ATM: variants seen among roughly 807,000 people sequenced by gnomAD.
ATM encodes ATM serine/threonine kinase, also known as serine-protein kinase ATM.
A neutral mutation model predicts 387.0 loss-of-function variants in ATM; 308 were observed. The ratio of observed to expected loss-of-function variants is 0.80; its 90% confidence interval spans 0.73 to 0.87. The LOEUF is 0.87. Among genes scored for constraint, ATM ranks in the 40% least tolerant of loss-of-function variants. The probability of loss-of-function intolerance (pLI) is 0.00; values close to 1 mark genes in which losing one functional copy is unlikely to be tolerated. For synonymous variants in ATM, 1,156 were observed against 1,187.3 expected, an observed-to-expected ratio of 0.97 and a Z score of 0.54; for missense variants, 3,312 against 3,560.9, an observed-to-expected ratio of 0.93 and a Z score of 1.78.
At chr11:108,261,304 C>A (rs1276731142) in intron 16 of ATM, among the ~76,000 whole-genome samples, 1 of 152,194 alleles carries the variant, frequency 6.6e-6, no homozygotes, top group African/African-American at 2.4e-5. Flanking sequence ...GGCAGACTGC[C>A]TCCTCAAGTG....
In ATM at chr11:108,248,975, T is replaced by TA. The variant is rs1555069617; in HGVS notation, c.1109dup (p.Tyr370Ter). ...DTRSLEISQS[Y>*]TTTQRESSDY... Reference sequence around the variant, plus strand: ...CAGATCCTTGGAGATTTCTCAATCTTACACTACTACACAAAGAGAATCTAG... The same window carrying TA: ...CAGATCCTTGGAGATTTCTCAATCTTAACACTACTACACAAAGAGAATCTAG... Residue 370 changes from tyrosine to a stop codon, truncating the protein, a stop_gained and frameshift_variant, in exon 9 of 63, where the codon TAC (tyrosine) becomes TAAC (stop). Transcript: ENST00000675843. LOFTEE classifies it high-confidence loss of function. 8 of 1,612,490 alleles carry TA rather than the reference T, an allele frequency of 5.0e-6. No individual in the cohort carries two copies. The highest frequency in any genetic ancestry group is 6.8e-6 in the Non-Finnish European group (8 of 1,178,640).
intron 46 of ATM, 119 bp downstream of exon 46, chr11:108,325,663 T>C (rs1591131086): frequency 2.3e-6 from 2 of 882,108 alleles, no homozygotes; most frequent in East Asian, 2.7e-5. Context: ...TATTAATATA[T>C]AGTAAAAATA....
intron 16 of ATM, among the ~76,000 whole-genome samples, chr11:108,261,916 GA>G (rs1172213322): frequency 6.6e-6 from 1 of 152,060 alleles, no homozygotes; most frequent in African/African-American, 2.4e-5. Flanking sequence ...AATGAAGCGA[GA>G]AGGGAAGTTT....
At chr11:108,356,062 C>CA (rs749921329) in intron 61 of ATM, 3 of 152,132 alleles carry the variant, frequency 2.0e-5, no homozygotes, top group Non-Finnish European at 4.4e-5. Context: ...TTACCGATTT[C>CA]AAATTCTGTT....
intron 34 of ATM, among the ~76,000 whole-genome samples, chr11:108,300,151 G>C (rs1227742239): frequency 6.6e-6 from 1 of 152,102 alleles, no homozygotes; most frequent in Non-Finnish European, 1.5e-5. Flanking sequence ...TAAGAAAAAT[G>C]CCAGATGGTT....
rs786204141 is a variant in ATM at position 108,316,022 on chromosome 11, A to G, written c.6107A>G (p.Tyr2036Cys). The G allele has an allele frequency of 6.2e-7, 1 of 1,614,186 alleles. No homozygotes were observed. Among genetic ancestry groups the G allele is most frequent in the Non-Finnish European group, 8.5e-7 (1 of 1,180,004 alleles). ...ATCTTTTCTTATAGACTACGAACAT[A>G]TGAACACGAAGCAATGTGGGGCAAA... ...MLQPITRLRT[Y>C]EHEAMWGKAL... Residue 2036 changes from tyrosine (Y) to cysteine (C), a missense_variant, in exon 42 of 63, where the codon TAT becomes TGT. This residue lies in a region of ATM where 1,405 missense variants were observed against 1,604.4 expected (regional missense o/e 0.88). Transcript: ENST00000675843.
chr11:108,320,426 G>A (rs1432121919), intron 44 of ATM, among the ~76,000 whole-genome samples: 1 of 152,174 alleles, frequency 6.6e-6, no homozygotes, highest in Non-Finnish European at 1.5e-5. Flanking sequence ...AGGCACAAAT[G>A]TGATGAGGCA....
chr11:108,234,513 A>G (rs765277449), intron 4 of ATM, among the ~76,000 whole-genome samples: 3 of 152,174 alleles, frequency 2.0e-5, no homozygotes, highest in Non-Finnish European at 2.9e-5. Flanking sequence ...CAGAATCTCT[A>G]GTAAGTAAAT....
intron 37 of ATM, 31 bp downstream of exon 37, chr11:108,304,883 G>C (rs550070837): frequency 6.2e-7 from 1 of 1,602,196 alleles, no homozygotes; most frequent in Non-Finnish European, 8.5e-7. Context: ...CATTAATACT[G>C]TAAACTCAGT....
Position 108,358,001 on chromosome 11 carries a change from T to A in ATM, c.8850+3127T>A, listed in dbSNP as rs2090231474. ...TTCAGACGATCAAATTACTCTGAGC[T>A]ACGGGAGGACATTCAAACCAAAGGC... is the stretch of plus-strand genomic sequence containing the variant. On this transcript the variant is annotated intron_variant, in intron 61 of 62. Transcript: ENST00000675843. Among the ~76,000 whole-genome samples the A allele has an allele frequency of 2.0e-5, 3 of 146,810 alleles. No homozygotes were observed. The South Asian group carries it at 6.5e-4, about 32-fold the overall frequency.
chr11:108,367,915 T>G lies in ATM; in HGVS notation c.*2407T>G, dbSNP rs1474490372. On this transcript the variant is annotated 3_prime_UTR_variant, in exon 63 of 63. Transcript: ENST00000675843. ...ACTATAGTAAATCAAGGAAATGCAG[T>G]AAACTTAAAATGTCTTTAAGAAAGC... 3 of 206,356 alleles carry G rather than the reference T, an allele frequency of 1.5e-5. No homozygotes were observed. The highest frequency in any genetic ancestry group is 6.8e-5 in the African/African-American group (3 of 43,840). The allele number at this position is 206,356 out of a possible 1,614,324, so 12.8% of individuals were successfully genotyped here.
intron 52 of ATM, 109 bp from the exon 53 acceptor site, chr11:108,332,653 A>G: frequency 8.6e-7 from 1 of 1,169,060 alleles, no homozygotes; most frequent in South Asian, 1.4e-5. Context: ...TAATCATTCC[A>G]TTGTCTAGAT....
intron 3 of ATM, 135 bp from the exon 4 acceptor site, chr11:108,229,040 TTTG>T: frequency 1.3e-6 from 1 of 797,358 alleles, no homozygotes; most frequent in Non-Finnish European, 2.0e-6. Flanking sequence ...AATTGTTTTA[TTTG>T]TTTTTTTCAG....
chr11:108,243,707 G>A lies in ATM; in HGVS notation c.497-246G>A, dbSNP rs181023754. On this transcript the variant is annotated intron_variant, in intron 5 of 62. Coordinates refer to ENST00000675843, the MANE Select transcript of ATM (RefSeq NM_000051.4). ...CAGAGGCTTAGAGAAGTTAAGTAAT[G>A]TTTCTGCGACCTGGCTCTTAAACTG... Among the ~76,000 whole-genome samples, 10 of 152,290 alleles carry A rather than the reference G, an allele frequency of 6.6e-5. No individual in the cohort carries two copies. In the East Asian group the frequency reaches 1.7e-3, roughly 26 times the overall value.
intron 16 of ATM, among the ~76,000 whole-genome samples, chr11:108,260,616 G>C (rs2080807159): frequency 6.6e-6 from 1 of 152,172 alleles, no homozygotes; most frequent in Admixed American, 6.5e-5. Context: ...CTTAATATAA[G>C]AAATAATTTT....
chr11:108,267,323 A>G lies in ATM; in HGVS notation c.2619A>G (p.Gly873=), dbSNP rs777979257. Residue 873 remains glycine, a synonymous_variant, in exon 17 of 63, where the codon GGA becomes GGG. Coordinates refer to ENST00000675843, the MANE Select transcript of ATM (RefSeq NM_000051.4). ...GTGTTAGTGATGCAAACGAACCTGGAGAGAGCCAAAGTACCATAGGTAAAT... is the reference window on the plus strand; with the variant it reads ...GTGTTAGTGATGCAAACGAACCTGGGGAGAGCCAAAGTACCATAGGTAAAT... ...DSSVSDANEP[G]ESQSTIGAIN... 6 of 1,614,054 alleles carry G rather than the reference A, an allele frequency of 3.7e-6. No homozygotes were observed. The Admixed American group carries it at 5.0e-5, about 13-fold the overall frequency.
At chr11:108,286,871 G>A (rs2082522159) in intron 26 of ATM, among the ~76,000 whole-genome samples, 1 of 152,114 alleles carries the variant, frequency 6.6e-6, no homozygotes, top group Non-Finnish European at 1.5e-5. Context: ...ATTTATCACT[G>A]TAATTCCTTA....
At chr11:108,237,926 CTTCT>C (rs2079372164) in intron 5 of ATM, among the ~76,000 whole-genome samples, 1 of 47,056 alleles carries the variant, frequency 2.1e-5, no homozygotes. Context: ...TTTTTTTTTG[CTTCT>C]TTGTTTGTTT....
chr11:108,242,120 T>TA (rs1565366616), intron 5 of ATM, among the ~76,000 whole-genome samples: 1 of 151,140 alleles, frequency 6.6e-6, no homozygotes, highest in African/African-American at 2.4e-5. Flanking sequence ...TTCCGTCTCT[T>TA]AAAAAAACAA....
Sources: allele counts gnomAD v4.1 joint callset (sites outside exome capture counted in the v4.1 genomes callset), GRCh38; gene constraint gnomAD v4.1.1; regional missense constraint gnomAD v4.1.1; transcripts MANE v1.5; gene names NCBI Gene and HGNC (gene_info 2026-07-23, HGNC 2026-07-21).